The following CDADC1 variants were observed in gnomAD, a reference collection of about 807,000 sequenced individuals.
The protein encoded by CDADC1 is cytidine and dCMP deaminase domain containing 1.
In CDADC1, 39 loss-of-function variants were observed where a neutral mutation model predicts 54.9. The observed-to-expected ratio is 0.71, with a 90% CI of 0.55 to 0.93. The LOEUF is 0.93. Among genes scored for constraint, CDADC1 ranks in the 40% least tolerant of loss-of-function variants. CDADC1 has a pLI of 0.00. For missense variants in CDADC1, 518 were observed against 618.8 expected (o/e 0.84, Z 1.73); for synonymous variants, 186 against 204.0 (o/e 0.91, Z 0.75).
intron 4 of CDADC1, among the ~76,000 whole-genome samples, chr13:49,260,106 TAAAA>T (rs1235190354): frequency 6.6e-6 from 1 of 151,882 alleles, no homozygotes; most frequent in Non-Finnish European, 1.5e-5. Flanking sequence ...AAAAATAAAA[TAAAA>T]AATATGTAAA....
At position 49,259,337 on chromosome 13, in the gene CDADC1, T is replaced by G; in HGVS notation, c.253-9T>G. 2 of 1,583,078 alleles carry G rather than the reference T, an allele frequency of 1.3e-6. No individual in the cohort carries two copies. Among genetic ancestry groups the G allele is most frequent in the Non-Finnish European group, 8.6e-7 (1 of 1,158,768 alleles). On this transcript the variant is annotated splice_polypyrimidine_tract_variant and intron_variant, in intron 3 of 9. Transcript: ENST00000251108. ...AACTAATAAGTTGTTATTTTATATC[T>G]TAATGTAGGTAAAGAGAACTGGTCT...
Position 49,292,798 on chromosome 13 carries a change from G to T in CDADC1, c.*1041G>T. 7.8e-7 allele frequency: 1 copy of T among 1,279,848 alleles called. No homozygotes were observed. Among genetic ancestry groups the T allele is most frequent in the South Asian group, 1.3e-5 (1 of 79,312 alleles). 79.3% of individuals were successfully genotyped at this position (1,279,848 alleles called of 1,614,324 possible). A position where few individuals can be genotyped will look rare whatever the true frequency, so the allele number is the denominator to read the frequency against. On this transcript the variant is annotated 3_prime_UTR_variant, in exon 10 of 10. Transcript: ENST00000251108. ...CCTAGGTTAGAGAGGGGTGGCCTGG[G>T]GTGCTTCATGAGAAATGTCTTCCTG... is the stretch of plus-strand genomic sequence containing the variant.
intron 8 of CDADC1, among the ~76,000 whole-genome samples, chr13:49,281,343 T>C (rs1242925315): frequency 6.6e-6 from 1 of 152,148 alleles, no homozygotes; most frequent in Non-Finnish European, 1.5e-5. Context: ...GAGAGGTGGA[T>C]AGAGGTGAAA....
chr13:49,292,233 C>T lies in CDADC1; in HGVS notation c.*476C>T. The T allele has an allele frequency of 1.0e-6, 1 of 982,006 alleles. No individual in the cohort carries two copies. Among genetic ancestry groups the T allele is most frequent in the Non-Finnish European group, 1.2e-6 (1 of 824,990 alleles). 60.8% of individuals were successfully genotyped at this position (982,006 alleles called of 1,614,324 possible). A position where few individuals can be genotyped will look rare whatever the true frequency, so the allele number is the denominator to read the frequency against. The stretch of plus-strand genomic sequence containing the variant: ...AGCAAACCAAAAGATCACATTTATA[C>T]CCAAAGCTTTCTAGTAATCAGAATT... On this transcript the variant is annotated 3_prime_UTR_variant, in exon 10 of 10. Transcript: ENST00000251108.
At position 49,247,984 on chromosome 13, in the gene CDADC1, G is replaced by T. The variant is rs1952333986; in HGVS notation, c.-54G>T. ...CGAGAGGCGGGGGCGCTAGGGCCGA[G>T]ATCATGTCTGACTGGGAGAGGTTTC... On this transcript the variant is annotated 5_prime_UTR_variant, in exon 1 of 10. Coordinates refer to ENST00000251108, the MANE Select transcript of CDADC1 (RefSeq NM_030911.4). The T allele has an allele frequency of 6.7e-7, 1 of 1,501,120 alleles. No individual in the cohort carries two copies. Among genetic ancestry groups the T allele is most frequent in the East Asian group, 2.5e-5 (1 of 40,662 alleles). 93.0% of individuals were successfully genotyped at this position (1,501,120 alleles called of 1,614,324 possible).
At chr13:49,281,933 A>G (rs935792252) in intron 8 of CDADC1, among the ~76,000 whole-genome samples, 1 of 40,992 alleles carries the variant, frequency 2.4e-5, no homozygotes, top group Admixed American at 2.1e-4. Flanking sequence ...CCCTCCCCCC[A>G]CCCCCCAGTA....
intron 2 of CDADC1, among the ~76,000 whole-genome samples, 187 bp downstream of exon 2, chr13:49,249,152 C>G (rs1345485820): frequency 6.6e-6 from 1 of 152,178 alleles, no homozygotes; most frequent in African/African-American, 2.4e-5. Flanking sequence ...TCTAAAAATA[C>G]TTTCTGAGAA....
chr13:49,275,394 CTTAATA>C (rs560479221), intron 6 of CDADC1, among the ~76,000 whole-genome samples: 1 of 150,790 alleles, frequency 6.6e-6, no homozygotes, highest in Non-Finnish European at 1.5e-5. Context: ...CCTGAATATT[CTTAATA>C]TTAATATTAA....
intron 5 of CDADC1, among the ~76,000 whole-genome samples, chr13:49,270,453 A>G (rs985772100): frequency 6.6e-6 from 1 of 152,156 alleles, no homozygotes; most frequent in Admixed American, 6.6e-5. Flanking sequence ...CCTTGGCTTA[A>G]GCAATCTTCC....
intron 9 of CDADC1, among the ~76,000 whole-genome samples, chr13:49,289,120 C>CTTTTTTTTT (rs66814830): frequency 1.6e-5 from 1 of 60,990 alleles, no homozygotes; most frequent in Non-Finnish European, 2.8e-5. Flanking sequence ...TTTTTTTTTG[C>CTTTTTTTTT]TTTTTTTTTT....
In CDADC1 at chr13:49,292,154, C is replaced by CAGTT; in HGVS notation, c.*401_*404dup. On this transcript the variant is annotated 3_prime_UTR_variant, in exon 10 of 10. Coordinates refer to ENST00000251108, the MANE Select transcript of CDADC1 (RefSeq NM_030911.4). ...TAATTCTTTTGAATTACAAGAGTGACAGTTAGTAAACTGCTCCAGGGAAAT... is the reference window on the plus strand; with the variant it reads ...TAATTCTTTTGAATTACAAGAGTGACAGTTAGTTAGTAAACTGCTCCAGGGAAAT... 1 of 1,009,388 alleles carries CAGTT rather than the reference C, an allele frequency of 9.9e-7. No homozygotes were observed. The highest frequency in any genetic ancestry group is 1.2e-6 in the Non-Finnish European group (1 of 843,166). 62.5% of individuals were successfully genotyped at this position (1,009,388 alleles called of 1,614,324 possible).
At chr13:49,286,088 A>G in intron 8 of CDADC1, 134 bp from the exon 9 acceptor site, 1 of 661,042 alleles carries the variant, frequency 1.5e-6, no homozygotes, top group Non-Finnish European at 2.6e-6. Flanking sequence ...TGCTGGGATT[A>G]CAGGTGTGAC....
chr13:49,259,549 G>A (rs1332096254), intron 4 of CDADC1, 26 bp downstream of exon 4: 1 of 1,605,348 alleles, frequency 6.2e-7, no homozygotes, highest in Non-Finnish European at 8.5e-7. Flanking sequence ...GGTTTGTTGG[G>A]GATTAAGAGT....
chr13:49,277,355 C>T (rs1449467669), intron 6 of CDADC1, among the ~76,000 whole-genome samples: 1 of 152,020 alleles, frequency 6.6e-6, no homozygotes, highest in Non-Finnish European at 1.5e-5. Flanking sequence ...CCTGTGGTCC[C>T]AGCTACTTGG....
At chr13:49,257,270 A>G (rs1476088221) in intron 3 of CDADC1, among the ~76,000 whole-genome samples, 2 of 152,242 alleles carry the variant, frequency 1.3e-5, no homozygotes, top group Non-Finnish European at 2.9e-5. Context: ...TTCTAATAAC[A>G]AATAAGTTGA....
Position 49,267,548 on chromosome 13 carries a change from G to A in CDADC1, c.489G>A (p.Glu163=), listed in dbSNP as rs1454233673. The A allele has an allele frequency of 6.2e-7, 1 of 1,614,052 alleles. No individual in the cohort carries two copies. The highest frequency in any genetic ancestry group is 1.1e-5 in the South Asian group (1 of 91,058). Residue 163 remains glutamate, a synonymous_variant, in exon 5 of 10, where the codon GAG becomes GAA. Transcript: ENST00000251108. ...ATCCAGAAATAAGTTTGCTTACGGA[G>A]GCTTCTAGTTCTGAAGATGCAAAGT... ...PADPEISLLT[E]ASSSEDAKLD... is the part of the protein sequence containing the mutation.
At chr13:49,264,720 T>TAAAAA (rs34176559) in intron 4 of CDADC1, among the ~76,000 whole-genome samples, 2 of 142,192 alleles carry the variant, frequency 1.4e-5, no homozygotes, top group African/African-American at 5.2e-5. Context: ...GGTCTCTATT[T>TAAAAA]AAAAAAAAAA....
intron 4 of CDADC1, among the ~76,000 whole-genome samples, chr13:49,260,730 CA>C (rs1364350274): frequency 1.3e-5 from 2 of 151,908 alleles, no homozygotes; most frequent in South Asian, 2.1e-4. Flanking sequence ...CATGGTAGAT[CA>C]AAAAACAAAA....
intron 6 of CDADC1, among the ~76,000 whole-genome samples, chr13:49,277,737 G>A (rs1460518960): frequency 6.6e-6 from 1 of 152,038 alleles, no homozygotes; most frequent in Non-Finnish European, 1.5e-5. Flanking sequence ...AGAGAAATAA[G>A]AGCCATTGAA....
Sources: allele counts gnomAD v4.1 joint callset (sites outside exome capture counted in the v4.1 genomes callset), GRCh38; gene constraint gnomAD v4.1.1; transcripts MANE v1.5; gene names NCBI Gene and HGNC (gene_info 2026-07-23, HGNC 2026-07-21).